Variants in NKAIN2 observed in about 807,000 individuals in gnomAD.
NKAIN2 encodes sodium/potassium-transporting ATPase subunit beta-1-interacting protein 2.
In NKAIN2, 14 loss-of-function variants were observed where a neutral mutation model predicts 32.6. The observed-to-expected ratio is 0.43, with a 90% CI of 0.28 to 0.67. The LOEUF (loss-of-function observed/expected upper bound fraction) is 0.67, where lower values mean the gene tolerates loss of function less well. Among genes scored for constraint, NKAIN2 ranks in the 30% least tolerant of loss-of-function variants. The pLI, the probability that NKAIN2 is intolerant of heterozygous loss-of-function variation, is 0.17. For synonymous variants in NKAIN2, 80 were observed against 87.2 expected (o/e 0.92, Z 0.46); for missense variants, 198 against 258.3 (o/e 0.77, Z 1.60).
At chr6:124,442,349 A>G (rs1241205578) in intron 3 of NKAIN2, among the ~76,000 whole-genome samples, 2 of 108,174 alleles carry the variant, frequency 1.8e-5, no homozygotes, top group African/African-American at 7.9e-5. Context: ...GCAGAGCTGT[A>G]AAGTCATCAA....
At chr6:124,241,870 C>A (rs940923465) in intron 1 of NKAIN2, among the ~76,000 whole-genome samples, 1 of 151,814 alleles carries the variant, frequency 6.6e-6, no homozygotes, top group Non-Finnish European at 1.5e-5. Flanking sequence ...TGAAACTGGA[C>A]CCCTTCCTTA....
chr6:124,465,701 A>C (rs1056604021), intron 3 of NKAIN2, among the ~76,000 whole-genome samples: 4 of 151,972 alleles, frequency 2.6e-5, no homozygotes, highest in Middle Eastern at 3.2e-3. Flanking sequence ...ATTGTGCTAT[A>C]GAAACTACAT....
At chr6:124,434,306 C>T (rs1775344927) in intron 3 of NKAIN2, among the ~76,000 whole-genome samples, 2 of 152,096 alleles carry the variant, frequency 1.3e-5, no homozygotes, top group South Asian at 4.1e-4. Flanking sequence ...CAGTACATTT[C>T]ATATGGGTCA....
intron 2 of NKAIN2, among the ~76,000 whole-genome samples, chr6:124,330,766 A>G (rs1377220016): frequency 6.6e-6 from 1 of 152,166 alleles, no homozygotes; most frequent in Non-Finnish European, 1.5e-5. Flanking sequence ...TGGGCCACAC[A>G]GCAACAGGTG....
intron 4 of NKAIN2, among the ~76,000 whole-genome samples, chr6:124,761,356 G>A (rs1174146932): frequency 6.6e-6 from 1 of 152,126 alleles, no homozygotes; most frequent in Non-Finnish European, 1.5e-5. Flanking sequence ...TTTATACTCA[G>A]ATGATGCTAT....
At chr6:124,223,298 T>C (rs1791932263) in intron 1 of NKAIN2, among the ~76,000 whole-genome samples, 1 of 151,968 alleles carries the variant, frequency 6.6e-6, no homozygotes, top group South Asian at 2.1e-4. Flanking sequence ...ATAAACTTTT[T>C]TTTTTCCTTT....
chr6:124,404,443 A>G (rs980363718), intron 3 of NKAIN2, among the ~76,000 whole-genome samples: 32 of 152,170 alleles, frequency 2.1e-4, no homozygotes, highest in Admixed American at 1.4e-3. Flanking sequence ...GAACAGTGGC[A>G]CCACCTCCCT....
At chr6:124,214,517 G>A (rs1562426742) in intron 1 of NKAIN2, among the ~76,000 whole-genome samples, 1 of 152,066 alleles carries the variant, frequency 6.6e-6, no homozygotes, top group Non-Finnish European at 1.5e-5. Flanking sequence ...GGGAAGCCAA[G>A]GAGGGCAGAT....
intron 3 of NKAIN2, among the ~76,000 whole-genome samples, chr6:124,496,727 A>G (rs1181852401): frequency 6.6e-6 from 1 of 152,152 alleles, no homozygotes; most frequent in Non-Finnish European, 1.5e-5. Flanking sequence ...AATACATAGC[A>G]TATCATCTTT....
intron 2 of NKAIN2, among the ~76,000 whole-genome samples, chr6:124,351,432 G>A (rs13212296): frequency 6.6e-6 from 1 of 150,738 alleles, no homozygotes; most frequent in Non-Finnish European, 1.5e-5. Context: ...CTGAACCAGT[G>A]CAGTTGAGGC....
intron 1 of NKAIN2, among the ~76,000 whole-genome samples, chr6:124,105,895 A>C (rs1785096602): frequency 6.6e-6 from 1 of 152,198 alleles, no homozygotes; most frequent in African/African-American, 2.4e-5. Flanking sequence ...TAGATTTGTT[A>C]TCTCACTGAA....
chr6:124,572,967 G>A (rs1781185192), intron 3 of NKAIN2, among the ~76,000 whole-genome samples: 1 of 151,988 alleles, frequency 6.6e-6, no homozygotes, highest in Admixed American at 6.6e-5. Flanking sequence ...AGCCTCCCAA[G>A]TAGCTGGGAT....
At chr6:123,927,907 A>T (rs1408814111) in intron 1 of NKAIN2, among the ~76,000 whole-genome samples, 2 of 152,194 alleles carry the variant, frequency 1.3e-5, no homozygotes, top group African/African-American at 4.8e-5. Flanking sequence ...TCCTGGTCAG[A>T]TCTACCTACA....
intron 1 of NKAIN2, among the ~76,000 whole-genome samples, chr6:124,117,922 AG>A (rs1330985633): frequency 3.3e-5 from 5 of 151,230 alleles, no homozygotes; most frequent in Admixed American, 1.3e-4. Flanking sequence ...AAAAGCTATC[AG>A]GAAAGATGGC....
chr6:123,930,755 A>C (rs1371850147), intron 1 of NKAIN2, among the ~76,000 whole-genome samples: 1 of 152,168 alleles, frequency 6.6e-6, no homozygotes, highest in African/African-American at 2.4e-5. Flanking sequence ...TACTTTGCAG[A>C]CATTTAGAAA....
chr6:124,540,567 C>T (rs550085507), intron 3 of NKAIN2, among the ~76,000 whole-genome samples: 3 of 152,278 alleles, frequency 2.0e-5, no homozygotes, highest in Non-Finnish European at 2.9e-5. Context: ...TAGCCATGTA[C>T]TACTATGCAA....
chr6:124,001,570 C>G (rs1053131973), intron 1 of NKAIN2, among the ~76,000 whole-genome samples: 4 of 151,532 alleles, frequency 2.6e-5, no homozygotes, highest in African/African-American at 9.7e-5. Context: ...CATGTGTTTC[C>G]TAAAATACTC....
intron 1 of NKAIN2, among the ~76,000 whole-genome samples, chr6:124,027,139 C>CTT (rs60788673): frequency 1.4e-3 from 197 of 137,078 alleles, no homozygotes; most frequent in African/African-American, 4.5e-3. Flanking sequence ...AATTATCACT[C>CTT]TTTTTTTTTT....
intron 1 of NKAIN2, among the ~76,000 whole-genome samples, chr6:124,060,509 G>A (rs928406188): frequency 5.3e-5 from 8 of 152,112 alleles, no homozygotes; most frequent in African/African-American, 1.2e-4. Flanking sequence ...CAAGCAGAAA[G>A]CCTGTGTTCC....
Sources: allele counts gnomAD v4.1 joint callset (sites outside exome capture counted in the v4.1 genomes callset), GRCh38; gene constraint gnomAD v4.1.1; transcripts MANE v1.5; gene names NCBI Gene and HGNC (gene_info 2026-07-23, HGNC 2026-07-21).